The following ENKD1 variants were observed in gnomAD, a reference collection of about 807,000 sequenced individuals.
ENKD1 encodes enkurin domain containing 1.
Under a neutral mutation model 35.8 loss-of-function variants are expected in ENKD1, and 39 were observed. The ratio of observed to expected loss-of-function variants is 1.09; its 90% CI spans 0.84 to 1.42. The LOEUF (loss-of-function observed/expected upper bound fraction) is 1.42, where lower values mean the gene tolerates loss of function less well. Ranked by LOEUF, ENKD1 falls within the 40% of genes most tolerant of loss-of-function variation. The pLI, the probability that ENKD1 is intolerant of heterozygous loss-of-function variation, is 0.00. For missense variants in ENKD1, 474 were observed against 471.3 expected, an observed-to-expected ratio of 1.01 and a Z score of -0.05; for synonymous variants, 205 against 198.6, an observed-to-expected ratio of 1.03 and a Z score of -0.27.
intron 2 of ENKD1, 72 bp from the exon 3 acceptor site, chr16:67,665,240 C>T (rs2142986386): frequency 1.3e-6 from 2 of 1,513,484 alleles, no homozygotes; most frequent in Non-Finnish European, 1.8e-6. Context: ...AGTTCACACA[C>T]AGGCCTGCCC....
At chr16:67,664,919 C>G (rs2053079990) in intron 3 of ENKD1, 77 bp downstream of exon 3, 1 of 1,496,362 alleles carries the variant, frequency 6.7e-7, no homozygotes, top group Admixed American at 2.3e-5. Context: ...TCCCTCCCAC[C>G]CCAGAACTCA....
In ENKD1 at chr16:67,663,826, G is replaced by A; in HGVS notation, c.580-6C>T. The A allele has an allele frequency of 6.2e-7, 1 of 1,604,994 alleles. No homozygotes were observed. Among genetic ancestry groups the A allele is most frequent in the Non-Finnish European group, 8.5e-7 (1 of 1,175,574 alleles). ...TCCACCCCCAGGCCTGGCTCCTGCA[G>A]GACACAGCAAGCGTGGGTGGGGGCA... On this transcript the variant is annotated splice_polypyrimidine_tract_variant and splice_region_variant and intron_variant, in intron 4 of 6. Transcript: ENST00000243878.
In ENKD1 at chr16:67,663,551, A is replaced by G. The variant is rs1271387512; in HGVS notation, c.749T>C (p.Leu250Ser). Residue 250 changes from leucine (L) to serine (S), a missense_variant, in exon 6 of 7, where the codon TTG becomes TCG. Coordinates refer to ENST00000243878, the MANE Select transcript of ENKD1 (RefSeq NM_032140.3). ...TQKGHVPHYL[L>S]ERRDLWRREA... ...CCGCCGCCACAGGTCCCTGCGCTCC[A>G]ACAAGCTGTGGGTACACAGGCTCAG... 1 of 1,611,920 alleles carries G rather than the reference A, an allele frequency of 6.2e-7. No homozygotes were observed. The highest frequency in any genetic ancestry group is 8.5e-7 in the Non-Finnish European group (1 of 1,179,196).
At chr16:67,664,911 C>A in intron 3 of ENKD1, 85 bp downstream of exon 3, 1 of 1,478,044 alleles carries the variant, frequency 6.8e-7, no homozygotes, top group East Asian at 2.4e-5. Context: ...CTGTGACTTC[C>A]CTCCCACCCC....
At chr16:67,664,928 C>G in intron 3 of ENKD1, 68 bp downstream of exon 3, 1 of 1,503,964 alleles carries the variant, frequency 6.6e-7, no homozygotes. Context: ...CCCCAGAACT[C>G]AGATCAGGGT....
At chr16:67,663,587 C>A (rs2053060542) in intron 5 of ENKD1, 31 bp from the exon 6 acceptor site, 3 of 1,605,762 alleles carry the variant, frequency 1.9e-6, no homozygotes, top group Non-Finnish European at 2.6e-6. Context: ...AGTTGATGAC[C>A]CGAGGGCAGA....
chr16:67,666,368 C>T lies in ENKD1; in HGVS notation c.75G>A (p.Arg25=). The change falls in exon 1 of 7, where the codon CGG becomes CGA. Residue 25 remains arginine (R), a synonymous_variant. Coordinates refer to ENST00000243878, the MANE Select transcript of ENKD1 (RefSeq NM_032140.3). ...AGCCCCCGGACTCACCCGAGGTCGG[C>T]CGCCTGTAGTTGTCAGGACAGAGCG... ...DPTLCPDNYR[R]PTSAQGRLEG... 1 of 1,577,798 alleles carries T rather than the reference C, an allele frequency of 6.3e-7. No individual in the cohort carries two copies.
At position 67,663,146 on chromosome 16, in the gene ENKD1, G is replaced by C; in HGVS notation, c.*15C>G. On this transcript the variant is annotated 3_prime_UTR_variant, in exon 7 of 7. Transcript: ENST00000243878. The stretch of plus-strand genomic sequence containing the variant: ...CCTCAGCATGGAGCTCCTTGCCACT[G>C]TCCCCCAAAGGGGCTCAGTCGTCCA... 1 of 1,613,626 alleles carries C rather than the reference G, an allele frequency of 6.2e-7. No homozygotes were observed. Among genetic ancestry groups the C allele is most frequent in the Middle Eastern group, 1.6e-4 (1 of 6,062 alleles).
At chr16:67,663,887 A>G (rs368923424) in intron 4 of ENKD1, 50 bp downstream of exon 4, 4 of 1,603,938 alleles carry the variant, frequency 2.5e-6, no homozygotes, top group Non-Finnish European at 3.4e-6. Flanking sequence ...CACCCCCCCC[A>G]CACCAGGAGC....
At position 67,663,103 on chromosome 16, in the gene ENKD1, T is replaced by A. The variant is rs1445341805; in HGVS notation, c.*58A>T. 12 of 1,599,362 alleles carry A rather than the reference T, an allele frequency of 7.5e-6. No homozygotes were observed. The Admixed American group carries it at 2.0e-4, about 27-fold the overall frequency. ...CTGGGATTGGGTCCAACCCTGTCCT[T>A]TGCAGCCATGTGGCGATCCTCAGCA... On this transcript the variant is annotated 3_prime_UTR_variant, in exon 7 of 7. Coordinates refer to ENST00000243878, the MANE Select transcript of ENKD1 (RefSeq NM_032140.3).
Position 67,663,455 on chromosome 16 carries a change from T to C in ENKD1, c.845A>G (p.Asn282Ser), listed in dbSNP as rs142623402. 18 of 1,613,190 alleles carry C rather than the reference T, an allele frequency of 1.1e-5. No homozygotes were observed. Among genetic ancestry groups the C allele is most frequent in the South Asian group, 2.2e-5 (2 of 91,080 alleles). ...MPPGHTRMPE[N>S]QRLETLTKLL... The stretch of plus-strand genomic sequence containing the variant: ...CTTGGTCAGTGTTTCCAGCCGCTGG[T>C]TCTCAGGCATGCGCGTGTGGCCTGG... The change falls in exon 6 of 7, where the codon AAC (asparagine) becomes AGC (serine). Residue 282 changes from asparagine to serine, a missense_variant. Physicochemically the swap from Asn to Ser is conservative, Grantham distance 46. Coordinates refer to ENST00000243878, the MANE Select transcript of ENKD1 (RefSeq NM_032140.3).
chr16:67,666,069 A>C lies in ENKD1; in HGVS notation c.280+2T>G. 6.2e-7 allele frequency: 1 copy of C among 1,611,898 alleles called. No individual in the cohort carries two copies. The highest frequency in any genetic ancestry group is 8.5e-7 in the Non-Finnish European group (1 of 1,179,600). ...GTCCCTTCTTCCATTCCTGGGACTT[A>C]CTCTTGAGAGAGGCCCCAGGACCTA... On this transcript the variant is annotated splice_donor_variant, in intron 2 of 6. Coordinates refer to ENST00000243878, the MANE Select transcript of ENKD1 (RefSeq NM_032140.3). LOFTEE classifies it high-confidence loss of function.
At position 67,666,502 on chromosome 16, in the gene ENKD1, C is replaced by A. The variant is rs1567648375; in HGVS notation, c.-60G>T. 3 of 1,365,504 alleles carry A rather than the reference C, an allele frequency of 2.2e-6. No individual in the cohort carries two copies. Among genetic ancestry groups the A allele is most frequent in the Non-Finnish European group, 1.9e-6 (2 of 1,056,082 alleles). The allele number at this position is 1,365,504 out of a possible 1,614,324, so 84.6% of individuals were successfully genotyped here. ...CCTGCAGGGCTGTTTACCTCCCTCCCCGGGCCCCCTTCCCCAACCCCGGGC... is the reference window on the plus strand; with the variant it reads ...CCTGCAGGGCTGTTTACCTCCCTCCACGGGCCCCCTTCCCCAACCCCGGGC... On this transcript the variant is annotated 5_prime_UTR_variant, in exon 1 of 7. Transcript: ENST00000243878.
At chr16:67,664,553 G>A in intron 3 of ENKD1, 1 of 323,184 alleles carries the variant, frequency 3.1e-6, no homozygotes, top group Non-Finnish European at 5.9e-6. Context: ...TCTCACTCCT[G>A]CTCCTCCTAC....
chr16:67,666,153 G>A lies in ENKD1; in HGVS notation c.198C>T (p.Ile66=), dbSNP rs1183338140. Residue 66 remains isoleucine (I), a synonymous_variant, in exon 2 of 7, where the codon ATC becomes ATT. Coordinates refer to ENST00000243878, the MANE Select transcript of ENKD1 (RefSeq NM_032140.3). ...GPCIGPGAGE[I]LERGQRGVGD... is the part of the protein sequence containing the mutation. ...CGACGCCGCGCTGGCCGCGCTCCAG[G>A]ATCTCTCCGGCACCGGGACCGATGC... The A allele has an allele frequency of 6.2e-7, 1 of 1,612,778 alleles. No individual in the cohort carries two copies. The highest frequency in any genetic ancestry group is 2.2e-5 in the East Asian group (1 of 44,882).
At position 67,665,152 on chromosome 16, in the gene ENKD1, G is replaced by T; in HGVS notation, c.297C>A (p.Asp99Glu). The change falls in exon 3 of 7, where the codon GAC becomes GAA. Residue 99 changes from aspartate to glutamate, a missense_variant. Asp to Glu is a conservative substitution (Grantham distance 45). Transcript: ENST00000243878. ...TCCGCCTCAGGTTCTCCTTCTCATG[G>T]TCCTTAGGGTCCTTCCCTGGAGAAA... ...GASLKRKDPK[D>E]HEKENLRRIR... is the part of the protein sequence containing the mutation. 1 of 1,612,584 alleles carries T rather than the reference G, an allele frequency of 6.2e-7. No individual in the cohort carries two copies. The highest frequency in any genetic ancestry group is 8.5e-7 in the Non-Finnish European group (1 of 1,179,450).
intron 3 of ENKD1, 40 bp from the exon 4 acceptor site, chr16:67,664,102 G>A (rs1349116494): frequency 6.5e-7 from 1 of 1,535,658 alleles, no homozygotes; most frequent in African/African-American, 1.4e-5. Context: ...GGCAGGCTGA[G>A]GTCTGGGGCT....
chr16:67,664,977 G>C lies in ENKD1; in HGVS notation c.453+19C>G. ...GGCCAACAAAATGGATAATACTTCT[G>C]GCTCCCTGAAGCAGGTACCTGGAGC... is the stretch of plus-strand genomic sequence containing the variant. On this transcript the variant is annotated intron_variant, in intron 3 of 6. Transcript: ENST00000243878. 6.3e-7 allele frequency: 1 copy of C among 1,584,242 alleles called. No individual in the cohort carries two copies. Among genetic ancestry groups the C allele is most frequent in the East Asian group, 2.3e-5 (1 of 44,254 alleles).
intron 3 of ENKD1, among the ~76,000 whole-genome samples, chr16:67,664,772 T>C (rs113743969): frequency 6.6e-6 from 1 of 152,178 alleles, no homozygotes; most frequent in Non-Finnish European, 1.5e-5. Flanking sequence ...CTTTTGGGAA[T>C]GTTCTCTTCT....
Sources: allele counts gnomAD v4.1 joint callset (sites outside exome capture counted in the v4.1 genomes callset), GRCh38; gene constraint gnomAD v4.1.1; transcripts MANE v1.5; gene names NCBI Gene and HGNC (gene_info 2026-07-23, HGNC 2026-07-21).